PABPC4L: variants seen among roughly 807,000 people sequenced by gnomAD.
PABPC4L encodes poly(A) binding protein cytoplasmic 4 like.
For synonymous variants in PABPC4L, 169 were observed against 164.1 expected, an observed-to-expected ratio of 1.03 and a Z score of -0.23; for missense variants, 452 against 451.4, an observed-to-expected ratio of 1.00 and a Z score of -0.01.
At chr4:134,036,290 C>G in the PABPC4L span, among the ~76,000 whole-genome samples, 1 of 151,926 alleles carries the variant, frequency 6.6e-6, no homozygotes, top group South Asian at 2.1e-4. Context: ...CTTACTATAC[C>G]TTATTTTTAA....
At chr4:134,034,320 C>T in the PABPC4L span, among the ~76,000 whole-genome samples, 7 of 151,754 alleles carry the variant, frequency 4.6e-5, no homozygotes, top group Non-Finnish European at 7.4e-5. Context: ...CATCTAGTCA[C>T]CCGTGAGCTC....
the PABPC4L span, among the ~76,000 whole-genome samples, chr4:134,103,269 T>G: frequency 6.8e-4 from 103 of 151,798 alleles, no homozygotes; most frequent in African/African-American, 2.4e-3. Context: ...AAATTAGGTT[T>G]TTCCCAAAAT....
the PABPC4L span, among the ~76,000 whole-genome samples, chr4:133,953,015 T>A: frequency 6.6e-6 from 1 of 152,108 alleles, no homozygotes; most frequent in Non-Finnish European, 1.5e-5. Context: ...AAAATTTTAT[T>A]TTTTCCCCTT....
chr4:133,974,238 C>CCAAGA, the PABPC4L span, among the ~76,000 whole-genome samples: 1 of 152,048 alleles, frequency 6.6e-6, no homozygotes, highest in Non-Finnish European at 1.5e-5. Flanking sequence ...AACAACGGTA[C>CCAAGA]CAAGACAATT....
the PABPC4L span, among the ~76,000 whole-genome samples, chr4:134,017,851 G>A: frequency 3.3e-5 from 5 of 151,762 alleles, no homozygotes; most frequent in South Asian, 6.2e-4. Context: ...CCCTAATCCC[G>A]CTTGAAGCAG....
the PABPC4L span, among the ~76,000 whole-genome samples, chr4:134,167,705 T>C: frequency 6.6e-6 from 1 of 151,624 alleles, no homozygotes; most frequent in African/African-American, 2.4e-5. Flanking sequence ...AATAATTATA[T>C]AATAATAAAG....
chr4:133,949,807 G>C, the PABPC4L span, among the ~76,000 whole-genome samples: 1,196 of 152,176 alleles, frequency 7.9e-3, 12 homozygotes, highest in African/African-American at 0.027. Flanking sequence ...TTTAACTTAA[G>C]GGATGACAGG....
chr4:134,126,794 T>C, the PABPC4L span, among the ~76,000 whole-genome samples: 1 of 151,938 alleles, frequency 6.6e-6, no homozygotes, highest in Admixed American at 6.6e-5. Flanking sequence ...TTGGAGGAGG[T>C]AGATTTCCAC....
the PABPC4L span, among the ~76,000 whole-genome samples, chr4:134,021,176 C>A: frequency 6.6e-6 from 1 of 152,092 alleles, no homozygotes; most frequent in Non-Finnish European, 1.5e-5. Flanking sequence ...TCACATATCA[C>A]AATCACATAT....
chr4:133,997,222 G>A, the PABPC4L span, among the ~76,000 whole-genome samples: 31 of 152,186 alleles, frequency 2.0e-4, no homozygotes, highest in South Asian at 6.2e-4. Context: ...TACATCTCTC[G>A]CTTTAAATCA....
chr4:134,091,150 C>T, the PABPC4L span, among the ~76,000 whole-genome samples: 1 of 152,006 alleles, frequency 6.6e-6, no homozygotes, highest in Non-Finnish European at 1.5e-5. Context: ...AGTATGGATC[C>T]TTTTCATTGA....
chr4:134,076,603 G>A, the PABPC4L span, among the ~76,000 whole-genome samples: 4 of 152,106 alleles, frequency 2.6e-5, no homozygotes, highest in Non-Finnish European at 5.9e-5. Context: ...CATTTTGTAA[G>A]AAGATAAGAC....
At chr4:134,086,228 A>T in the PABPC4L span, among the ~76,000 whole-genome samples, 2 of 147,626 alleles carry the variant, frequency 1.4e-5, no homozygotes, top group African/African-American at 2.5e-5. Context: ...GTAAATATTT[A>T]CTCTCCTTCT....
chr4:133,960,451 C>T, the PABPC4L span, among the ~76,000 whole-genome samples: 1 of 152,160 alleles, frequency 6.6e-6, no homozygotes, highest in Non-Finnish European at 1.5e-5. Context: ...GCCATTCCTG[C>T]CTGGCATCAC....
Position 134,197,293 on chromosome 4 carries a change from A to G in PABPC4L, c.*2614T>C, listed in dbSNP as rs1261543065. ...GGAAAAGCACATTTTTAAAATATTTACTATAGGTTTTATATAAGATACTTT... is the reference window on the plus strand; with the variant it reads ...GGAAAAGCACATTTTTAAAATATTTGCTATAGGTTTTATATAAGATACTTT... On this transcript the variant is annotated 3_prime_UTR_variant, in exon 2 of 2. Coordinates refer to ENST00000421491, the MANE Select transcript of PABPC4L (RefSeq NM_001114734.2). The G allele has an allele frequency of 2.0e-5, 3 of 151,704 alleles. No homozygotes were observed. The highest frequency in any genetic ancestry group is 7.2e-5 in the African/African-American group (3 of 41,418). The allele number at this position is 151,704 out of a possible 1,614,324, so 9.4% of individuals were successfully genotyped here.
the PABPC4L span, among the ~76,000 whole-genome samples, chr4:134,086,511 A>T: frequency 6.6e-6 from 1 of 151,602 alleles, no homozygotes; most frequent in Non-Finnish European, 1.5e-5. Flanking sequence ...AACACTTTTC[A>T]ATTTTTTTTT....
At chr4:134,136,303 C>T in the PABPC4L span, among the ~76,000 whole-genome samples, 1 of 152,150 alleles carries the variant, frequency 6.6e-6, no homozygotes. Flanking sequence ...CTGCAAGGCC[C>T]ATATACTGGT....
chr4:133,950,869 C>T, the PABPC4L span, among the ~76,000 whole-genome samples: 1 of 152,160 alleles, frequency 6.6e-6, no homozygotes, highest in South Asian at 2.1e-4. Flanking sequence ...GTGACCCATT[C>T]CCCTGTAACA....
chr4:134,032,524 T>A, the PABPC4L span, among the ~76,000 whole-genome samples: 1 of 151,896 alleles, frequency 6.6e-6, no homozygotes, highest in African/African-American at 2.4e-5. Flanking sequence ...CTGTTAGATT[T>A]GTTTGCAAAA....
Sources: gnomAD v4.1 joint callset for allele counts (sites outside exome capture counted in the v4.1 genomes callset) on GRCh38, gnomAD v4.1.1 for gene constraint, MANE v1.5 for transcripts, NCBI Gene and HGNC (gene_info 2026-07-23, HGNC 2026-07-21) for gene names.